Variants in TBC1D19 observed in about 807,000 individuals in gnomAD.
The protein encoded by TBC1D19 is TBC1 domain family, member 19.
TBC1D19 carries 60 observed loss-of-function variants against 89.0 expected under a neutral mutation model. The ratio of observed to expected loss-of-function variants is 0.67; its 90% CI spans 0.55 to 0.84. The LOEUF (loss-of-function observed/expected upper bound fraction) is 0.84. Among genes scored for constraint, TBC1D19 ranks in the 40% least tolerant of loss-of-function variants. The probability of loss-of-function intolerance (pLI) is 0.00; values close to 1 mark genes in which losing one functional copy is unlikely to be tolerated. For synonymous variants in TBC1D19, 189 were observed against 199.7 expected (o/e 0.95, Z 0.45); for missense variants, 500 against 610.8 (o/e 0.82, Z 1.91).
the TBC1D19 span, among the ~76,000 whole-genome samples, chr4:26,778,653 C>T: frequency 6.6e-6 from 1 of 152,084 alleles, no homozygotes; most frequent in African/African-American, 2.4e-5. Context: ...CAGATGGTCA[C>T]TCTCATATGC....
At chr4:26,848,166 C>A in the TBC1D19 span, among the ~76,000 whole-genome samples, 1 of 152,228 alleles carries the variant, frequency 6.6e-6, no homozygotes, top group East Asian at 1.9e-4. Context: ...ACTGCTCTCC[C>A]AAATATGGCT....
At chr4:26,577,433 G>T (rs954851210) in intron 1 of TBC1D19, among the ~76,000 whole-genome samples, 2 of 152,134 alleles carry the variant, frequency 1.3e-5, no homozygotes, top group African/African-American at 4.8e-5. Context: ...GGTCTGGAAA[G>T]TCATGCTTAA....
At chr4:26,810,260 A>T in the TBC1D19 span, among the ~76,000 whole-genome samples, 1 of 152,174 alleles carries the variant, frequency 6.6e-6, no homozygotes, top group Non-Finnish European at 1.5e-5. Flanking sequence ...TCACTCCCCC[A>T]GTAGCTCTTC....
chr4:26,798,817 C>A, the TBC1D19 span, among the ~76,000 whole-genome samples: 1 of 151,792 alleles, frequency 6.6e-6, no homozygotes, highest in South Asian at 2.1e-4. Context: ...TAAGTGGGAG[C>A]TAAACAATGG....
At position 26,659,716 on chromosome 4, in the gene TBC1D19, AG is replaced by A; in HGVS notation, c.591+10del. ...AAGACATCCCTGAATTGGTAAGTAT[AG>A]AAACTTAAAAATAAACATCATTTAG... On this transcript the variant is annotated intron_variant, in intron 8 of 20. Transcript: ENST00000264866. 1 of 1,517,754 alleles carries A rather than the reference AG, an allele frequency of 6.6e-7. No individual in the cohort carries two copies. The highest frequency in any genetic ancestry group is 9.0e-7 in the Non-Finnish European group (1 of 1,110,188). 94.0% of individuals were successfully genotyped at this position (1,517,754 alleles called of 1,614,324 possible). A position where few individuals can be genotyped will look rare whatever the true frequency, so the allele number is the denominator to read the frequency against.
chr4:26,744,564 G>T (rs938130993), intron 18 of TBC1D19, among the ~76,000 whole-genome samples: 16 of 151,588 alleles, frequency 1.1e-4, no homozygotes, highest in Non-Finnish European at 1.9e-4. Context: ...AACAAATTTT[G>T]ATATGTTATA....
At chr4:26,683,398 AG>A (rs1449767481) in intron 11 of TBC1D19, among the ~76,000 whole-genome samples, 17 of 152,344 alleles carry the variant, frequency 1.1e-4, no homozygotes, top group African/African-American at 3.6e-4. Flanking sequence ...GGCACCTGTA[AG>A]TACTTAATAA....
At chr4:26,692,710 G>T (rs1272823355) in intron 13 of TBC1D19, among the ~76,000 whole-genome samples, 4 of 152,188 alleles carry the variant, frequency 2.6e-5, no homozygotes, top group African/African-American at 9.7e-5. Flanking sequence ...ATAGCAGCTG[G>T]TTTACCAGAG....
intron 13 of TBC1D19, among the ~76,000 whole-genome samples, chr4:26,692,785 C>A (rs543673166): frequency 6.6e-6 from 1 of 152,250 alleles, no homozygotes; most frequent in South Asian, 2.1e-4. Flanking sequence ...AAAGACTGGC[C>A]ACAAAAATGA....
intron 9 of TBC1D19, among the ~76,000 whole-genome samples, chr4:26,671,603 T>C (rs1191215335): frequency 6.6e-6 from 1 of 151,856 alleles, no homozygotes; most frequent in East Asian, 1.9e-4. Context: ...CATCATAGAA[T>C]CTTTTAAAAT....
chr4:26,832,748 T>A, the TBC1D19 span, among the ~76,000 whole-genome samples: 83 of 152,272 alleles, frequency 5.5e-4, no homozygotes, highest in African/African-American at 1.9e-3. Flanking sequence ...ATCCCATCAC[T>A]TTGGGAGGCT....
At chr4:26,730,824 T>C (rs570781352) in intron 15 of TBC1D19, among the ~76,000 whole-genome samples, 39 of 152,242 alleles carry the variant, frequency 2.6e-4, no homozygotes, top group African/African-American at 8.9e-4. Context: ...GGTATACAGG[T>C]ATATCAGGAG....
At chr4:26,836,596 G>A in the TBC1D19 span, among the ~76,000 whole-genome samples, 5 of 152,222 alleles carry the variant, frequency 3.3e-5, no homozygotes, top group African/African-American at 1.2e-4. Flanking sequence ...CTTGCCAGCT[G>A]GGTCCAGAGG....
intron 18 of TBC1D19, among the ~76,000 whole-genome samples, chr4:26,745,821 C>T (rs527669415): frequency 1.3e-5 from 2 of 151,982 alleles, no homozygotes; most frequent in African/African-American, 4.8e-5. Context: ...CAATATACTT[C>T]TTTAATTAAT....
intron 1 of TBC1D19, among the ~76,000 whole-genome samples, chr4:26,577,317 G>C (rs181731437): frequency 7.9e-5 from 12 of 151,618 alleles, no homozygotes; most frequent in South Asian, 6.2e-4. Flanking sequence ...GTGTGTGTCT[G>C]TGTGTGTGTG....
rs73813812 is a variant in TBC1D19, at chr4:26,648,418, T to C, written c.480+8231T>C. ...ATATTACAACTGACTAGTTAGTACA[T>C]GTCACTGCATCTTGGCCAAGGGTCA... On this transcript the variant is annotated intron_variant, in intron 7 of 20. Coordinates refer to ENST00000264866, the MANE Select transcript of TBC1D19 (RefSeq NM_018317.4). Among the ~76,000 whole-genome samples, 421 of 152,334 alleles carry C rather than the reference T, an allele frequency of 2.8e-3. 3 individuals carry two copies. Among genetic ancestry groups the C allele is most frequent in the African/African-American group, 9.4e-3 (390 of 41,582 alleles).
chr4:26,644,092 G>A (rs932870510), intron 7 of TBC1D19, among the ~76,000 whole-genome samples: 3 of 152,136 alleles, frequency 2.0e-5, no homozygotes, highest in Non-Finnish European at 4.4e-5. Flanking sequence ...GCATCATCCG[G>A]ATACCAAAGC....
chr4:26,839,113 A>C, the TBC1D19 span, among the ~76,000 whole-genome samples: 1 of 152,218 alleles, frequency 6.6e-6, no homozygotes, highest in Non-Finnish European at 1.5e-5. Context: ...AAACATGCAT[A>C]GGGCTGTCAA....
intron 1 of TBC1D19, among the ~76,000 whole-genome samples, chr4:26,588,523 A>G (rs1194214657): frequency 6.6e-6 from 1 of 151,070 alleles, no homozygotes; most frequent in African/African-American, 2.4e-5. Context: ...TTGATTTGAG[A>G]CCTTTATTCT....
Sources: allele counts gnomAD v4.1 joint callset (sites outside exome capture counted in the v4.1 genomes callset), GRCh38; gene constraint gnomAD v4.1.1; transcripts MANE v1.5; gene names NCBI Gene and HGNC (gene_info 2026-07-23, HGNC 2026-07-21).